Variants in TBC1D22A observed in about 807,000 individuals in gnomAD.
TBC1D22A encodes TBC1 domain family member 22A.
A neutral mutation model predicts 60.2 loss-of-function variants in TBC1D22A; 38 were observed. The observed-to-expected ratio is 0.63, with a 90% confidence interval of 0.49 to 0.83. The LOEUF is 0.83. TBC1D22A is among the 40% of genes least tolerant of loss of function. The pLI, the probability that TBC1D22A is intolerant of heterozygous loss-of-function variation, is 0.00. For missense variants in TBC1D22A, 628 were observed against 701.0 expected (o/e 0.90, Z 1.18); for synonymous variants, 302 against 281.7 (o/e 1.07, Z -0.72).
rs1029708977 is a variant in TBC1D22A at position 46,862,195 on chromosome 22, A to T, written c.638-16458A>T. 2.0e-5 allele frequency among the ~76,000 whole-genome samples: 3 copies of T among 152,202 alleles called. No individual in the cohort carries two copies. The East Asian group carries it at 5.8e-4, about 29-fold the overall frequency. ...TGGAACGCGGTATGGAACCTGGCGC[A>T]CAGTAGGTGCTCAGTGAATGTCAGC... On this transcript the variant is annotated intron_variant, in intron 4 of 12. Coordinates refer to ENST00000337137, the MANE Select transcript of TBC1D22A (RefSeq NM_014346.5).
chr22:46,929,746 A>G (rs2071248631), intron 8 of TBC1D22A, among the ~76,000 whole-genome samples: 1 of 152,136 alleles, frequency 6.6e-6, no homozygotes, highest in South Asian at 2.1e-4. Flanking sequence ...ATGTATGTGC[A>G]TGCATGCACA....
chr22:46,953,501 T>C (rs957916209), intron 8 of TBC1D22A, among the ~76,000 whole-genome samples: 4 of 152,116 alleles, frequency 2.6e-5, no homozygotes, highest in African/African-American at 9.7e-5. Context: ...TTTTCATTTA[T>C]TTTTGTAGGT....
intron 1 of TBC1D22A, among the ~76,000 whole-genome samples, chr22:46,791,468 C>G (rs1226997402): frequency 6.6e-6 from 1 of 152,158 alleles, no homozygotes; most frequent in African/African-American, 2.4e-5. Flanking sequence ...GAGGCCTCAC[C>G]TCTGTGTTCC....
intron 8 of TBC1D22A, among the ~76,000 whole-genome samples, chr22:46,972,132 GGTATGCT>G (rs2074088921): frequency 6.6e-6 from 1 of 152,198 alleles, no homozygotes; most frequent in Admixed American, 6.5e-5. Context: ...GGTTGCACCC[GGTATGCT>G]GTGGACAATG....
chr22:46,961,491 A>G (rs2073502103), intron 8 of TBC1D22A, among the ~76,000 whole-genome samples: 1 of 152,236 alleles, frequency 6.6e-6, no homozygotes, highest in Non-Finnish European at 1.5e-5. Flanking sequence ...TAGAGCTTGT[A>G]TCCACATGAA....
At chr22:46,965,810 C>G (rs978537233) in intron 8 of TBC1D22A, among the ~76,000 whole-genome samples, 1 of 152,214 alleles carries the variant, frequency 6.6e-6, no homozygotes, top group Non-Finnish European at 1.5e-5. Flanking sequence ...TGTTTGCTAC[C>G]TGGAGGGGCA....
chr22:47,074,453 C>G (rs1326504707), intron 11 of TBC1D22A, among the ~76,000 whole-genome samples: 1 of 152,188 alleles, frequency 6.6e-6, no homozygotes, highest in Admixed American at 6.5e-5. Context: ...CTGTCTTAAC[C>G]CATCCCAGGC....
intron 1 of TBC1D22A, among the ~76,000 whole-genome samples, chr22:46,765,940 C>T (rs1047955127): frequency 3.4e-5 from 5 of 148,866 alleles, no homozygotes; most frequent in Non-Finnish European, 1.5e-5. Context: ...GCACTGGCCA[C>T]CACGCCCAGC....
At position 46,990,812 on chromosome 22, in the gene TBC1D22A, G is replaced by A. The variant is rs9616191; in HGVS notation, c.1126-6822G>A. Among the ~76,000 whole-genome samples the A allele has an allele frequency of 2.0e-5, 3 of 152,296 alleles. No homozygotes were observed. The highest frequency in any genetic ancestry group is 1.9e-4 in the East Asian group (1 of 5,182). On this transcript the variant is annotated intron_variant, in intron 9 of 12. Coordinates refer to ENST00000337137, the MANE Select transcript of TBC1D22A (RefSeq NM_014346.5). This position sits in a 1 kb window ranked among gnomAD's most constrained non-coding sequence, Gnocchi z 4.6. ...GGCTTGCTGGCTGTCTCCCTCCCGCGCCGGCGTTCGTGACGGCTCTGCTCC... is the reference window on the plus strand; with the variant it reads ...GGCTTGCTGGCTGTCTCCCTCCCGCACCGGCGTTCGTGACGGCTCTGCTCC...
Position 47,028,836 on chromosome 22 carries a change from G to A in TBC1D22A, c.1202-8235G>A, listed in dbSNP as rs942969449. Among the ~76,000 whole-genome samples, 2 of 152,212 alleles carry A rather than the reference G, an allele frequency of 1.3e-5. No homozygotes were observed. Among genetic ancestry groups the A allele is most frequent in the Non-Finnish European group, 2.9e-5 (2 of 68,036 alleles). ...CATTTAATGGTGGTGGGAGCATTCT[G>A]TTTGTCCCCAAATGTGGGACACCAC... On this transcript the variant is annotated intron_variant, in intron 10 of 12. Transcript: ENST00000337137. This position sits in a 1 kb window ranked among gnomAD's most constrained non-coding sequence, Gnocchi z 4.4.
chr22:47,036,327 A>C (rs1760074973), intron 10 of TBC1D22A, among the ~76,000 whole-genome samples: 1 of 152,216 alleles, frequency 6.6e-6, no homozygotes, highest in Non-Finnish European at 1.5e-5. Context: ...CACCATGATC[A>C]CTGGGATTTT....
At chr22:46,766,966 A>C (rs1299012878) in intron 1 of TBC1D22A, among the ~76,000 whole-genome samples, 5 of 152,174 alleles carry the variant, frequency 3.3e-5, no homozygotes, top group African/African-American at 4.8e-5. Context: ...CCACAGGTTT[A>C]GGAAAAGTAT....
At chr22:46,994,916 T>C (rs968467423) in intron 9 of TBC1D22A, among the ~76,000 whole-genome samples, 5 of 152,198 alleles carry the variant, frequency 3.3e-5, no homozygotes, top group Non-Finnish European at 7.3e-5. Context: ...GTCAAAGGAA[T>C]TCAAGTCTGG....
At chr22:46,977,341 G>A (rs1049829225) in intron 9 of TBC1D22A, among the ~76,000 whole-genome samples, 6 of 152,028 alleles carry the variant, frequency 3.9e-5, no homozygotes, top group African/African-American at 1.4e-4. Context: ...CATTTTGGCC[G>A]AGATGTATGA....
intron 10 of TBC1D22A, among the ~76,000 whole-genome samples, chr22:47,015,392 G>T (rs2148317323): frequency 6.6e-6 from 1 of 152,318 alleles, no homozygotes; most frequent in East Asian, 1.9e-4. Context: ...TCGGCCCTCT[G>T]TTTAAATGAC....
At position 47,019,830 on chromosome 22, in the gene TBC1D22A, C is replaced by T. The variant is rs138327490; in HGVS notation, c.1202-17241C>T. 3.8e-4 allele frequency among the ~76,000 whole-genome samples: 57 copies of T among 150,822 alleles called. 1 individual carries two copies. The East Asian group carries it at 7.7e-3, about 20-fold the overall frequency. On this transcript the variant is annotated intron_variant, in intron 10 of 12. Transcript: ENST00000337137. ...CTCCATCCTTCGCTTCTCCCTTAAC[C>T]CTCCATCCTCTCCTCTCTCTTAACT... is the stretch of plus-strand genomic sequence containing the variant.
At chr22:46,787,319 C>T (rs571169418) in intron 1 of TBC1D22A, among the ~76,000 whole-genome samples, 2 of 152,156 alleles carry the variant, frequency 1.3e-5, no homozygotes, top group Non-Finnish European at 2.9e-5. Context: ...AACAACCAGA[C>T]CAGCAGCTTT....
chr22:46,775,883 A>G (rs2083682961), intron 1 of TBC1D22A, among the ~76,000 whole-genome samples: 1 of 152,244 alleles, frequency 6.6e-6, no homozygotes, highest in African/African-American at 2.4e-5. Flanking sequence ...AAAATGCTTA[A>G]TCATTCACAC....
At chr22:47,140,238 C>G (rs2067028142) in intron 12 of TBC1D22A, among the ~76,000 whole-genome samples, 1 of 151,374 alleles carries the variant, frequency 6.6e-6, no homozygotes. Context: ...GTGGCCCAGG[C>G]TGCTCCGCTT....
Sources: gnomAD v4.1 joint callset for allele counts (sites outside exome capture counted in the v4.1 genomes callset) on GRCh38, gnomAD v4.1.1 for gene constraint, Gnocchi (gnomAD v3.1) non-coding constraint, MANE v1.5 for transcripts, NCBI Gene and HGNC (gene_info 2026-07-23, HGNC 2026-07-21) for gene names.